GPHN: variants seen among roughly 807,000 people sequenced by gnomAD.
The protein encoded by GPHN is gephyrin.
GPHN carries 17 observed loss-of-function variants against 95.5 expected under a neutral mutation model. That is an observed-to-expected ratio of 0.18 (90% CI 0.12 to 0.27). The LOEUF (loss-of-function observed/expected upper bound fraction) is 0.27. Among genes scored for constraint, GPHN ranks in the 10% least tolerant of loss-of-function variants. GPHN has a pLI of 1.00. For missense variants in GPHN, 660 were observed against 978.1 expected, an observed-to-expected ratio of 0.67 and a Z score of 4.34; for synonymous variants, 320 against 322.5, an observed-to-expected ratio of 0.99 and a Z score of 0.08.
the GPHN span, among the ~76,000 whole-genome samples, chr14:67,446,770 A>C: frequency 6.6e-6 from 1 of 152,216 alleles, no homozygotes; most frequent in African/African-American, 2.4e-5. Flanking sequence ...GGTTATATTT[A>C]ATAGGGAGAA....
chr14:66,868,115 T>C lies in GPHN; in HGVS notation c.295-11824T>C, dbSNP rs186094803. Among the ~76,000 whole-genome samples the C allele has an allele frequency of 3.3e-5, 5 of 152,324 alleles. 1 individual carries two copies. Among genetic ancestry groups the C allele is most frequent in the African/African-American group, 1.2e-4 (5 of 41,588 alleles). ...CACTTTGATAACTTAACAAAGTTAT[T>C]ATTAATAGTAGTCATTAGCTGGTAT... On this transcript the variant is annotated intron_variant, in intron 4 of 22. Coordinates refer to ENST00000478722, the MANE Select transcript of GPHN (RefSeq NM_020806.5).
chr14:66,776,527 G>A lies in GPHN; in HGVS notation c.201+6G>A. 6.5e-7 allele frequency: 1 copy of A among 1,536,876 alleles called. No homozygotes were observed. Among genetic ancestry groups the A allele is most frequent in the Non-Finnish European group, 9.0e-7 (1 of 1,110,694 alleles). ...ATGAAATAGAAGAAATCAAGGTATA[G>A]TATGGCATTTTTCACCTCTACAAAC... is the stretch of plus-strand genomic sequence containing the variant. On this transcript the variant is annotated splice_donor_region_variant and intron_variant, in intron 3 of 22. Coordinates refer to ENST00000478722, the MANE Select transcript of GPHN (RefSeq NM_020806.5).
chr14:67,183,324 A>G (rs1033903173), downstream of GPHN, among the ~76,000 whole-genome samples: 6 of 152,172 alleles, frequency 3.9e-5, no homozygotes, highest in Admixed American at 6.5e-5. Flanking sequence ...GCATCAGTAA[A>G]TATTTGCTCA....
the GPHN span, among the ~76,000 whole-genome samples, chr14:67,656,785 G>T: frequency 2.0e-5 from 3 of 152,060 alleles, no homozygotes; most frequent in Non-Finnish European, 2.9e-5. Flanking sequence ...CAATCAATAG[G>T]ATCACAATAC....
At chr14:67,141,969 G>T (rs1235276116) in intron 17 of GPHN, among the ~76,000 whole-genome samples, 1 of 152,182 alleles carries the variant, frequency 6.6e-6, no homozygotes, top group African/African-American at 2.4e-5. Context: ...TTGTTTTCAA[G>T]TTAACAAAAA....
chr14:66,773,603 C>T (rs890629517), intron 2 of GPHN, among the ~76,000 whole-genome samples: 3 of 152,134 alleles, frequency 2.0e-5, no homozygotes, highest in East Asian at 1.9e-4. Flanking sequence ...CCTCCCATCT[C>T]GGCCTCCCAA....
chr14:67,504,756 G>A, the GPHN span, among the ~76,000 whole-genome samples: 1 of 152,064 alleles, frequency 6.6e-6, no homozygotes, highest in Non-Finnish European at 1.5e-5. Context: ...GTGGTGGCGG[G>A]TGCCCATAAT....
chr14:66,910,204 C>G (rs887614028), intron 5 of GPHN, among the ~76,000 whole-genome samples: 4 of 151,874 alleles, frequency 2.6e-5, no homozygotes, highest in African/African-American at 9.7e-5. Flanking sequence ...TATATGAACA[C>G]TAAAATGTTT....
the GPHN span, among the ~76,000 whole-genome samples, chr14:67,445,577 C>CTTTTTGTTTTTTTTT: frequency 1.7e-5 from 1 of 59,924 alleles, no homozygotes; most frequent in African/African-American, 7.5e-5. Flanking sequence ...AGAGGCAATT[C>CTTTTTGTTTTTTTTT]TTTTTTTTTT....
At chr14:67,561,540 G>C in the GPHN span, among the ~76,000 whole-genome samples, 1 of 152,112 alleles carries the variant, frequency 6.6e-6, no homozygotes, top group South Asian at 2.1e-4. Context: ...CTCCAGCCTG[G>C]GTGATAGAGC....
chr14:66,975,716 C>CA (rs76663582), intron 9 of GPHN, among the ~76,000 whole-genome samples: 1,945 of 125,716 alleles, frequency 0.015, 25 homozygotes, highest in African/African-American at 0.045. Flanking sequence ...CCTGTCTCTA[C>CA]AAAAAAAAAA....
At chr14:66,660,716 C>T (rs2065593617) in intron 1 of GPHN, among the ~76,000 whole-genome samples, 1 of 152,108 alleles carries the variant, frequency 6.6e-6, no homozygotes, top group Admixed American at 6.6e-5. Flanking sequence ...AAATGCAGCA[C>T]CTTTAACTGA....
chr14:67,527,020 T>C, the GPHN span, among the ~76,000 whole-genome samples: 1 of 152,186 alleles, frequency 6.6e-6, no homozygotes, highest in Non-Finnish European at 1.5e-5. Flanking sequence ...GGAGCTGCAA[T>C]GGCTTGGTCA....
chr14:66,540,409 C>T (rs559979965), intron 1 of GPHN, among the ~76,000 whole-genome samples: 15 of 152,228 alleles, frequency 9.9e-5, no homozygotes, highest in Non-Finnish European at 1.6e-4. Flanking sequence ...GGATGATGCT[C>T]CTTTTGAAGG....
At chr14:67,300,370 C>T in the GPHN span, among the ~76,000 whole-genome samples, 29 of 137,266 alleles carry the variant, frequency 2.1e-4, no homozygotes, top group African/African-American at 8.5e-4. Context: ...TTCCATCATC[C>T]AGGCTGGAAT....
the GPHN span, among the ~76,000 whole-genome samples, chr14:67,502,879 A>C: frequency 6.6e-6 from 1 of 152,204 alleles, no homozygotes; most frequent in Non-Finnish European, 1.5e-5. Flanking sequence ...GGGTCCTGAA[A>C]TGTATTAAGA....
intron 8 of GPHN, among the ~76,000 whole-genome samples, chr14:66,933,048 C>T (rs983425589): frequency 2.6e-5 from 4 of 152,158 alleles, no homozygotes; most frequent in African/African-American, 9.7e-5. Flanking sequence ...TATTTATTAG[C>T]TGGTATTTAA....
At chr14:66,967,181 G>A (rs886147192) in intron 9 of GPHN, among the ~76,000 whole-genome samples, 2 of 151,598 alleles carry the variant, frequency 1.3e-5, no homozygotes, top group Non-Finnish European at 3.0e-5. Context: ...TTATCACTCT[G>A]GTGTAATTTT....
rs547404107 is a variant in GPHN, at chr14:66,679,816, T to A, written c.65-1291T>A. Among the ~76,000 whole-genome samples the A allele has an allele frequency of 2.6e-4, 40 of 152,300 alleles. No individual in the cohort carries two copies. The South Asian group carries it at 8.1e-3, about 31-fold the overall frequency. On this transcript the variant is annotated intron_variant, in intron 1 of 22. Coordinates refer to ENST00000478722, the MANE Select transcript of GPHN (RefSeq NM_020806.5). ...ATAGATTTTCATTCTTTGTTGAAGT[T>A]TTCCTTTTTTCATCTACTTTGAAGA...
Sources: gnomAD v4.1 joint callset for allele counts (sites outside exome capture counted in the v4.1 genomes callset) on GRCh38, gnomAD v4.1.1 for gene constraint, MANE v1.5 for transcripts, NCBI Gene and HGNC (gene_info 2026-07-23, HGNC 2026-07-21) for gene names.